Variants in LRTM3 observed in about 807,000 individuals in gnomAD.
LRTM3 encodes the protein leucine rich repeat transmembrane protein 3.
the LRTM3 span, chr13:102,736,482 G>A: frequency 6.4e-7 from 1 of 1,551,126 alleles, no homozygotes; most frequent in Non-Finnish European, 8.7e-7. Context: ...GGCTTTGTAG[G>A]TGCTGTTTGC....
the LRTM3 span, chr13:102,744,882 C>A: frequency 1.9e-6 from 3 of 1,550,694 alleles, no homozygotes; most frequent in Non-Finnish European, 2.6e-6. Flanking sequence ...TTAAACTCTG[C>A]CTTTTCCCCT....
the LRTM3 span, chr13:102,749,852 T>C: frequency 1.9e-6 from 3 of 1,551,362 alleles, no homozygotes; most frequent in Non-Finnish European, 2.6e-6. Context: ...AGGTTGATTC[T>C]GATTCAAGGA....
the LRTM3 span, chr13:102,732,967 C>G: frequency 6.4e-7 from 1 of 1,551,392 alleles, no homozygotes; most frequent in Non-Finnish European, 8.7e-7. Context: ...GAACACCTTC[C>G]TCTTGTTCTG....
At chr13:102,744,479 A>G in the LRTM3 span, 1 of 1,550,764 alleles carries the variant, frequency 6.4e-7, no homozygotes, top group East Asian at 2.4e-5. Flanking sequence ...TAGACCTTCC[A>G]TACATTTTAT....
At chr13:102,736,971 A>G in the LRTM3 span, 6,547 of 1,551,064 alleles carry the variant, frequency 4.2e-3, 242 homozygotes, top group African/African-American at 0.079. Flanking sequence ...TCTAATTTAC[A>G]GTGAGATAGA....
At chr13:102,738,623 A>G in the LRTM3 span, 1 of 1,550,156 alleles carries the variant, frequency 6.5e-7, no homozygotes, top group Non-Finnish European at 8.7e-7. Context: ...ACTGTTTGAG[A>G]TATTATCAGA....
chr13:102,733,841 C>G, the LRTM3 span: 2 of 1,551,376 alleles, frequency 1.3e-6, no homozygotes, highest in Non-Finnish European at 8.7e-7. Flanking sequence ...TGCCTCTGGG[C>G]GGGGCACATA....
chr13:102,736,645 C>T, the LRTM3 span: 1 of 1,550,834 alleles, frequency 6.4e-7, no homozygotes, highest in Non-Finnish European at 8.7e-7. Flanking sequence ...CTATTTCCAC[C>T]TCACCTTCTT....
the LRTM3 span, chr13:102,730,099 T>A: frequency 3.2e-6 from 5 of 1,550,462 alleles, no homozygotes; most frequent in Non-Finnish European, 3.5e-6. Flanking sequence ...ATGATCTATA[T>A]TTCCTGCTTT....
chr13:102,730,234 C>T, the LRTM3 span: 1 of 1,551,302 alleles, frequency 6.4e-7, no homozygotes, highest in Non-Finnish European at 8.7e-7. Context: ...AGACATTTTC[C>T]AAAGGAATGC....
At chr13:102,735,104 C>G in the LRTM3 span, 2 of 1,551,254 alleles carry the variant, frequency 1.3e-6, no homozygotes, top group East Asian at 4.9e-5. Context: ...CAACATGACA[C>G]CTGGCCCACT....
At chr13:102,736,498 A>C in the LRTM3 span, 2 of 1,551,134 alleles carry the variant, frequency 1.3e-6, no homozygotes, top group Non-Finnish European at 1.7e-6. Flanking sequence ...TTTGCCTTGA[A>C]GGCAATGATT....
the LRTM3 span, chr13:102,737,948 C>A: frequency 6.4e-7 from 1 of 1,551,026 alleles, no homozygotes; most frequent in Non-Finnish European, 8.7e-7. Context: ...TTGCTCTATG[C>A]CTACTCCATC....
At chr13:102,729,643 G>T in the LRTM3 span, 2 of 1,549,474 alleles carry the variant, frequency 1.3e-6, no homozygotes, top group African/African-American at 1.4e-5. Flanking sequence ...CCGGTACACA[G>T]GCAAAAAAAA....
chr13:102,748,747 C>A, the LRTM3 span: 1 of 1,549,946 alleles, frequency 6.5e-7, no homozygotes, highest in Non-Finnish European at 8.7e-7. Flanking sequence ...ATTCTTTACT[C>A]TTCCCATTTG....
At chr13:102,742,406 C>G in the LRTM3 span, 3 of 1,546,720 alleles carry the variant, frequency 1.9e-6, no homozygotes, top group Non-Finnish European at 1.7e-6. Context: ...TCCTGAGACA[C>G]ACAGCTCTTG....
the LRTM3 span, chr13:102,744,124 C>G: frequency 2.6e-6 from 4 of 1,550,632 alleles, no homozygotes; most frequent in Non-Finnish European, 3.5e-6. Flanking sequence ...TCCCTTTCAT[C>G]TTGTACTTAA....
At chr13:102,745,029 T>G in the LRTM3 span, 1 of 1,550,936 alleles carries the variant, frequency 6.4e-7, no homozygotes, top group Non-Finnish European at 8.7e-7. Flanking sequence ...GTACATATTG[T>G]GCCATTTTGG....
the LRTM3 span, chr13:102,734,592 C>T: frequency 6.4e-7 from 1 of 1,550,928 alleles, no homozygotes; most frequent in Non-Finnish European, 8.7e-7. Context: ...TGGTTCCTCT[C>T]TTCTTTTTGA....
Sources: gnomAD v4.1 joint callset for allele counts on GRCh38, gnomAD v4.1.1 for gene constraint, MANE v1.5 for transcripts, NCBI Gene and HGNC (gene_info 2026-07-23, HGNC 2026-07-21) for gene names.